CCDC110: variants seen among roughly 807,000 people sequenced by gnomAD.
CCDC110 encodes the protein coiled-coil domain containing 110.
Under a neutral mutation model 77.1 loss-of-function variants are expected in CCDC110, and 70 were observed. The observed-to-expected ratio is 0.91, with a 90% CI of 0.75 to 1.11. The LOEUF is 1.11. Among genes scored for constraint, CCDC110 ranks in the 50% least tolerant of loss-of-function variants. The pLI, the probability that CCDC110 is intolerant of heterozygous loss-of-function variation, is 0.00. For missense variants in CCDC110, 868 were observed against 942.9 expected, an observed-to-expected ratio of 0.92 and a Z score of 1.04; for synonymous variants, 295 against 312.5, an observed-to-expected ratio of 0.94 and a Z score of 0.59.
intron 6 of CCDC110, 103 bp from the exon 7 acceptor site, chr4:185,445,645 C>A: frequency 1.4e-6 from 1 of 738,006 alleles, no homozygotes. Context: ...TCAATTTTAT[C>A]CAGGTTTTGC....
chr4:185,454,494 A>G (rs1009062068), intron 6 of CCDC110, among the ~76,000 whole-genome samples: 1 of 151,934 alleles, frequency 6.6e-6, no homozygotes, highest in Non-Finnish European at 1.5e-5. Context: ...CGGGAGGATC[A>G]CTTAAGGTCA....
At chr4:185,462,880 G>A (rs141570541) in intron 3 of CCDC110, 114 bp downstream of exon 3, 2 of 1,055,052 alleles carry the variant, frequency 1.9e-6, no homozygotes, top group Non-Finnish European at 2.9e-6. Context: ...CTTTCATGGA[G>A]ATCCTTGTGA....
At position 185,445,350 on chromosome 4, in the gene CCDC110, G is replaced by A. The variant is rs2095607390; in HGVS notation, c.*152C>T. ...CCAGCTGAGAAAGCTTAAGTTATCTGCACCAAACCATTCTGTGCATAATTT... is the reference window on the plus strand; with the variant it reads ...CCAGCTGAGAAAGCTTAAGTTATCTACACCAAACCATTCTGTGCATAATTT... On this transcript the variant is annotated 3_prime_UTR_variant, in exon 7 of 7. Transcript: ENST00000307588. 4.1e-6 allele frequency: 3 copies of A among 739,284 alleles called. No homozygotes were observed. Among genetic ancestry groups the A allele is most frequent in the Non-Finnish European group, 6.6e-6 (3 of 455,420 alleles). 45.8% of individuals were successfully genotyped at this position (739,284 alleles called of 1,614,324 possible). A position where few individuals can be genotyped will look rare whatever the true frequency, so the allele number is the denominator to read the frequency against.
chr4:185,471,133 C>A (rs57923780), intron 1 of CCDC110, 84 bp from the exon 2 acceptor site: 1,852 of 19,116 alleles, frequency 0.097, 272 homozygotes, highest in African/African-American at 0.27. Flanking sequence ...AGGGATGGGG[C>A]GGGGCAGGGC....
rs780135406 is a variant in CCDC110 at position 185,459,716 on chromosome 4, T to C, written c.871A>G (p.Met291Val). 6.2e-7 allele frequency: 1 copy of C among 1,613,352 alleles called. No individual in the cohort carries two copies. Among genetic ancestry groups the C allele is most frequent in the African/African-American group, 1.3e-5 (1 of 74,912 alleles). The change falls in exon 6 of 7, where the codon ATG becomes GTG. Residue 291 changes from methionine to valine, a missense_variant. Transcript: ENST00000307588. ...YDMSPIHQDK[M>V]NFIKEENLDG... is the part of the protein sequence containing the mutation. The stretch of plus-strand genomic sequence containing the variant: ...AAGTTTTCTTCCTTAATAAAGTTCA[T>C]TTTATCCTGGTGAATAGGGGACATG...
In CCDC110 at chr4:185,461,081, G is replaced by T; in HGVS notation, c.316C>A (p.Leu106Met). Residue 106 changes from leucine (L) to methionine (M), a missense_variant, in exon 5 of 7, where the codon CTG (leucine) becomes ATG (methionine). Coordinates refer to ENST00000307588, the MANE Select transcript of CCDC110 (RefSeq NM_152775.4). ...ENPQFSSEKN[L>M]VFGTRIEKDL... ...TTTTCAATGCGCGTGCCAAACACCA[G>T]ATTTTTTTCTGAGCTAAATTGTGGG... 1 of 1,599,858 alleles carries T rather than the reference G, an allele frequency of 6.3e-7. No individual in the cohort carries two copies. The highest frequency in any genetic ancestry group is 8.5e-7 in the Non-Finnish European group (1 of 1,172,350).
intron 2 of CCDC110, among the ~76,000 whole-genome samples, chr4:185,463,388 C>G (rs938136290): frequency 3.3e-5 from 5 of 152,092 alleles, no homozygotes; most frequent in Admixed American, 3.3e-4. Context: ...TATGGGAGAC[C>G]CTTGGCAAAG....
chr4:185,465,213 A>G (rs1047305489), intron 2 of CCDC110, among the ~76,000 whole-genome samples: 2 of 152,216 alleles, frequency 1.3e-5, no homozygotes, highest in African/African-American at 4.8e-5. Flanking sequence ...TCAAAATTCT[A>G]TCTCCTTCCC....
intron 4 of CCDC110, among the ~76,000 whole-genome samples, chr4:185,461,442 A>G (rs1372690530): frequency 2.0e-5 from 3 of 152,224 alleles, no homozygotes; most frequent in Non-Finnish European, 2.9e-5. Context: ...ATTGTTGAAT[A>G]AGAGACCTTT....
chr4:185,446,429 A>G, intron 6 of CCDC110, among the ~76,000 whole-genome samples: 1 of 152,182 alleles, frequency 6.6e-6, no homozygotes, highest in East Asian at 1.9e-4. Context: ...GACTACTGAG[A>G]AGATTCTGTG....
At chr4:185,454,193 T>C (rs773250949) in intron 6 of CCDC110, among the ~76,000 whole-genome samples, 1 of 152,166 alleles carries the variant, frequency 6.6e-6, no homozygotes, top group Non-Finnish European at 1.5e-5. Flanking sequence ...AGGTGGAGGT[T>C]AGTTACTTGT....
rs1333151955 is a variant in CCDC110, at chr4:185,458,147, G to T, written c.2440C>A (p.Pro814Thr). 2.5e-6 allele frequency: 4 copies of T among 1,569,260 alleles called. No homozygotes were observed. The highest frequency in any genetic ancestry group is 4.2e-5 in the Admixed American group (2 of 47,332). ...HEDTSSPQSR[P>T]LASDLKGYFK... ...GTACCTTTCAAATCCGAAGCCAAAG[G>T]CCTACTCTGAGGACTAGAAGTATCT... The change falls in exon 6 of 7, where the codon CCT becomes ACT. Residue 814 changes from proline (P) to threonine (T), a missense_variant. By Grantham distance (38) the Pro-to-Thr change is conservative. Coordinates refer to ENST00000307588, the MANE Select transcript of CCDC110 (RefSeq NM_152775.4).
intron 6 of CCDC110, among the ~76,000 whole-genome samples, chr4:185,455,704 G>T (rs2095635035): frequency 6.6e-6 from 1 of 152,084 alleles, no homozygotes. Flanking sequence ...CCAACATGGT[G>T]AAACCCCGTC....
chr4:185,452,470 GA>G, intron 6 of CCDC110: 1 of 708,120 alleles, frequency 1.4e-6, no homozygotes, highest in African/African-American at 1.9e-5. Flanking sequence ...GAACTGGAGA[GA>G]AAGTTAAGCA....
intron 2 of CCDC110, among the ~76,000 whole-genome samples, chr4:185,467,479 C>T (rs2095658354): frequency 6.6e-6 from 1 of 152,140 alleles, no homozygotes; most frequent in Non-Finnish European, 1.5e-5. Flanking sequence ...TACCAAGTCC[C>T]TGCTAAACAT....
chr4:185,471,548 G>C, intron 1 of CCDC110, 126 bp downstream of exon 1: 2 of 1,048,654 alleles, frequency 1.9e-6, no homozygotes, highest in Non-Finnish European at 2.8e-6. Flanking sequence ...GGAGATGTGC[G>C]GCGAGTGCAG....
chr4:185,445,244 G>C lies in CCDC110; in HGVS notation c.*258C>G. 1.0e-6 allele frequency: 1 copy of C among 985,392 alleles called. No individual in the cohort carries two copies. Among genetic ancestry groups the C allele is most frequent in the Admixed American group, 2.7e-5 (1 of 37,128 alleles). The allele number at this position is 985,392 out of a possible 1,614,324, so 61.0% of individuals were successfully genotyped here. ...ATACTTTTTTAAATGACAAATGTGG[G>C]TGACTTTAGACATCTCAGCTCCTTC... is the stretch of plus-strand genomic sequence containing the variant. On this transcript the variant is annotated 3_prime_UTR_variant, in exon 7 of 7. Coordinates refer to ENST00000307588, the MANE Select transcript of CCDC110 (RefSeq NM_152775.4).
chr4:185,458,134 T>C lies in CCDC110; in HGVS notation c.2453A>G (p.Asp818Gly), dbSNP rs1269556707. 3.2e-6 allele frequency: 5 copies of C among 1,548,806 alleles called. No individual in the cohort carries two copies. Among genetic ancestry groups the C allele is most frequent in the Non-Finnish European group, 3.5e-6 (4 of 1,157,878 alleles). The stretch of plus-strand genomic sequence containing the variant: ...TACCAGGACTTGCGTACCTTTCAAA[T>C]CCGAAGCCAAAGGCCTACTCTGAGG... ...SSPQSRPLAS[D>G]LKGYFKVKDR... is the part of the protein sequence containing the mutation. Residue 818 changes from aspartate to glycine, a missense_variant, in exon 6 of 7, where the codon GAT becomes GGT. Asp to Gly is a moderately conservative substitution (Grantham distance 94). Transcript: ENST00000307588.
chr4:185,467,626 G>A (rs751294960), intron 2 of CCDC110, among the ~76,000 whole-genome samples: 22 of 152,176 alleles, frequency 1.4e-4, no homozygotes, highest in Non-Finnish European at 2.6e-4. Flanking sequence ...TCTGTCAAAA[G>A]TGAAAAACAA....
Sources: gnomAD v4.1 joint callset for allele counts (sites outside exome capture counted in the v4.1 genomes callset) on GRCh38, gnomAD v4.1.1 for gene constraint, MANE v1.5 for transcripts, NCBI Gene and HGNC (gene_info 2026-07-23, HGNC 2026-07-21) for gene names.